The following CDH26 variants were observed in gnomAD, a reference collection of about 807,000 sequenced individuals.
CDH26 encodes cadherin 26.
A neutral mutation model predicts 90.3 loss-of-function variants in CDH26; 83 were observed. The observed-to-expected ratio is 0.92, with a 90% CI of 0.77 to 1.10. The LOEUF is 1.10. CDH26 is among the 50% of genes least tolerant of loss of function. The probability of loss-of-function intolerance (pLI) is 0.00; values close to 1 mark genes in which losing one functional copy is unlikely to be tolerated. For synonymous variants in CDH26, 397 were observed against 396.3 expected, an observed-to-expected ratio of 1.00 and a Z score of -0.02; for missense variants, 1,013 against 1,037.6, an observed-to-expected ratio of 0.98 and a Z score of 0.33.
rs371260056 is a variant in CDH26, at chr20:59,970,127, A to G, written c.172A>G (p.Ile58Val). The G allele has an allele frequency of 1.1e-5, 17 of 1,614,138 alleles. No individual in the cohort carries two copies. Among genetic ancestry groups the G allele is most frequent in the Non-Finnish European group, 1.4e-5 (17 of 1,179,974 alleles). Reference sequence around the variant, plus strand: ...ACGGCGATCCAAGAGAAGATGGGTTATCACCACCTTGGAGCTGGAGGAGGA... The same window carrying G: ...ACGGCGATCCAAGAGAAGATGGGTTGTCACCACCTTGGAGCTGGAGGAGGA... ...PLRRSKRRWV[I>V]TTLELEEEDP... The change falls in exon 3 of 18, where the codon ATC (isoleucine) becomes GTC (valine). Residue 58 changes from isoleucine to valine, a missense_variant. Physicochemically the swap from Ile to Val is conservative, Grantham distance 29 (BLOSUM62 3). Transcript: ENST00000348616.
At chr20:59,958,952 G>T (rs2061032973) in intron 1 of CDH26, among the ~76,000 whole-genome samples, 157 bp downstream of exon 1, 1 of 152,212 alleles carries the variant, frequency 6.6e-6, no homozygotes, top group African/African-American at 2.4e-5. Context: ...GGTAGCAGGG[G>T]CTCTGGATTT....
In CDH26 at chr20:60,026,060, C is replaced by T. The variant is rs564433099; in HGVS notation, c.948-5171C>T. 6.6e-5 allele frequency among the ~76,000 whole-genome samples: 10 copies of T among 152,048 alleles called. No homozygotes were observed. The East Asian group carries it at 1.2e-3, about 18-fold the overall frequency. ...CCAGGCCTCACTGGGATGCATGGCCCGAAAAAGGCTTCATTCTGACTTAGA... is the reference window on the plus strand; with the variant it reads ...CCAGGCCTCACTGGGATGCATGGCCTGAAAAAGGCTTCATTCTGACTTAGA... On this transcript the variant is annotated intron_variant, in intron 7 of 8. Transcript: ENST00000370991.
rs1440474483 is a variant in CDH26, at chr20:59,967,966, T to C, written c.70-1001T>C. Among the ~76,000 whole-genome samples, 4 of 60,528 alleles carry C rather than the reference T, an allele frequency of 6.6e-5. 1 individual carries two copies. Among genetic ancestry groups the C allele is most frequent in the African/African-American group, 2.0e-4 (3 of 14,682 alleles). 39.7% of individuals were successfully genotyped at this position (60,528 alleles called of 152,430 possible). On this transcript the variant is annotated intron_variant, in intron 1 of 17. Transcript: ENST00000348616. ...TTCTTTCTTTCTTTCTATCTTTCTT[T>C]CTTTCTTTCTTTCTTTCTTTCTTTC... is the stretch of plus-strand genomic sequence containing the variant.
At chr20:59,979,876 C>T (rs1040783005) in intron 4 of CDH26, among the ~76,000 whole-genome samples, 1 of 151,956 alleles carries the variant, frequency 6.6e-6, no homozygotes, top group Non-Finnish European at 1.5e-5. Context: ...ATCCACCTGC[C>T]TCAGCCTCCC....
chr20:59,997,978 C>A (rs987388750), intron 13 of CDH26, among the ~76,000 whole-genome samples: 2 of 152,256 alleles, frequency 1.3e-5, no homozygotes, highest in African/African-American at 2.4e-5. Flanking sequence ...TGCCTGTGCA[C>A]CCTCCTGTGA....
chr20:59,993,506 A>T (rs1601159279), intron 10 of CDH26, among the ~76,000 whole-genome samples: 1 of 152,212 alleles, frequency 6.6e-6, no homozygotes, highest in East Asian at 1.9e-4. Flanking sequence ...AAGTGAGAAC[A>T]TACAGTATTT....
chr20:60,035,162 C>T (rs536058467), downstream of CDH26, among the ~76,000 whole-genome samples: 14 of 152,300 alleles, frequency 9.2e-5, no homozygotes, highest in South Asian at 2.1e-4. Flanking sequence ...ATTGTTTGTA[C>T]GACTGTGTTA....
At chr20:59,998,639 A>G (rs565654616) in intron 13 of CDH26, among the ~76,000 whole-genome samples, 1 of 152,344 alleles carries the variant, frequency 6.6e-6, no homozygotes, top group South Asian at 2.1e-4. Context: ...TTCCTGCTTC[A>G]GTATCTTAGG....
At chr20:60,029,324 A>G (rs62205082) in intron 7 of CDH26, among the ~76,000 whole-genome samples, 10 of 109,358 alleles carry the variant, frequency 9.1e-5, no homozygotes, top group East Asian at 2.5e-4. Flanking sequence ...AGTCAACAAC[A>G]TAGCACCTAT....
In CDH26 at chr20:59,958,861, G is replaced by T. The variant is rs1338925209; in HGVS notation, c.69+66G>T. 13 of 1,514,120 alleles carry T rather than the reference G, an allele frequency of 8.6e-6. No individual in the cohort carries two copies. The East Asian group carries it at 3.1e-4, about 36-fold the overall frequency. 93.8% of individuals were successfully genotyped at this position (1,514,120 alleles called of 1,614,324 possible). A position where few individuals can be genotyped will look rare whatever the true frequency, so the allele number is the denominator to read the frequency against. ...TGAAAGCAAAGCACAAGCTGGCCCT[G>T]CCCCTTCTAGGCTAAGGGAGGGGAG... On this transcript the variant is annotated intron_variant, in intron 1 of 17. Transcript: ENST00000348616.
chr20:59,963,450 C>T (rs2061103818), intron 1 of CDH26, among the ~76,000 whole-genome samples: 1 of 152,066 alleles, frequency 6.6e-6, no homozygotes, highest in African/African-American at 2.4e-5. Flanking sequence ...AGGTTTTTGC[C>T]ATATTGCCCA....
intron 16 of CDH26, among the ~76,000 whole-genome samples, chr20:60,003,189 G>T (rs1226713736): frequency 1.3e-5 from 2 of 152,248 alleles, no homozygotes; most frequent in South Asian, 2.1e-4. Context: ...AGCTAAGGGG[G>T]TCTTAGACAT....
chr20:59,970,945 A>C (rs1219888987), intron 3 of CDH26, among the ~76,000 whole-genome samples: 5 of 152,100 alleles, frequency 3.3e-5, no homozygotes, highest in Non-Finnish European at 5.9e-5. Context: ...ACATTACAAC[A>C]ATTAGGCGGG....
rs570310018 is a variant in CDH26, at chr20:60,002,727, C to T, written c.2167-86C>T. Reference sequence around the variant, plus strand: ...ATACCTTTAGTACAAAAATGAAAGGCAATATGACTGCAAGAATTTCTAGTT... The same window carrying T: ...ATACCTTTAGTACAAAAATGAAAGGTAATATGACTGCAAGAATTTCTAGTT... On this transcript the variant is annotated intron_variant, in intron 15 of 17. Transcript: ENST00000348616. The T allele has an allele frequency of 1.5e-4, 138 of 950,700 alleles. 1 individual carries two copies. The highest frequency in any genetic ancestry group is 3.4e-4 in the Middle Eastern group (1 of 2,984). 58.9% of individuals were successfully genotyped at this position (950,700 alleles called of 1,614,324 possible). A position where few individuals can be genotyped will look rare whatever the true frequency, so the allele number is the denominator to read the frequency against.
chr20:60,029,178 G>T (rs903298212), intron 7 of CDH26, among the ~76,000 whole-genome samples: 19 of 152,192 alleles, frequency 1.2e-4, no homozygotes, highest in Admixed American at 1.2e-3. Context: ...GAGATGGGGT[G>T]GGGGAGATGG....
At position 60,011,877 on chromosome 20, in the gene CDH26, G is replaced by A. The variant is rs958741230; in HGVS notation, c.2296-650G>A. On this transcript the variant is annotated intron_variant, in intron 17 of 17. Coordinates refer to ENST00000348616, the MANE Select transcript of CDH26 (RefSeq NM_177980.4). ...CTGTCTGGTTGGAATTCTGGCTCTG[G>A]ATGTGACTGTAGGGAGTGTCACAGA... Among the ~76,000 whole-genome samples the A allele has an allele frequency of 4.9e-4, 74 of 152,146 alleles. 1 individual carries two copies. Among genetic ancestry groups the A allele is most frequent in the East Asian group, 9.6e-4 (5 of 5,184 alleles).
At chr20:60,021,978 CAT>C (rs2061962468) in intron 7 of CDH26, among the ~76,000 whole-genome samples, 1 of 149,748 alleles carries the variant, frequency 6.7e-6, no homozygotes, top group East Asian at 2.0e-4. Flanking sequence ...AGAAAATGGT[CAT>C]GTTGGCATCT....
At chr20:60,021,895 C>CACACACACACACACAT (rs2061959959) in intron 7 of CDH26, among the ~76,000 whole-genome samples, 1 of 80,770 alleles carries the variant, frequency 1.2e-5, no homozygotes, top group Admixed American at 1.2e-4. Context: ...CACACACACA[C>CACACACACACACACAT]ACATATATAT....
chr20:59,996,499 C>T (rs1242926737), intron 12 of CDH26, 132 bp from the exon 13 acceptor site: 1 of 1,612,714 alleles, frequency 6.2e-7, no homozygotes, highest in African/African-American at 1.3e-5. Flanking sequence ...TTTATAGCTA[C>T]ACAGATGACT....
Sources: gnomAD v4.1 joint callset for allele counts (sites outside exome capture counted in the v4.1 genomes callset) on GRCh38, gnomAD v4.1.1 for gene constraint, MANE v1.5 for transcripts, NCBI Gene and HGNC (gene_info 2026-07-23, HGNC 2026-07-21) for gene names.